CCR5AS: variants seen among roughly 807,000 people sequenced by gnomAD.
CCR5AS encodes the protein CCR5 antisense RNA.
rs369277674 is a variant in CCR5AS, at chr3:46,381,801, G to C, written n.392-10384C>G. Among the ~76,000 whole-genome samples, 29 of 152,298 alleles carry C rather than the reference G, an allele frequency of 1.9e-4. No individual in the cohort carries two copies. The East Asian group carries it at 3.7e-3, about 19-fold the overall frequency. On this transcript the variant is annotated intron_variant and non_coding_transcript_variant, in intron 2 of 3. Transcript: ENST00000451485. Reference sequence around the variant, plus strand: ...AAAAAGCAGAGCCCAGCAGAGAAGAGGGCAGGGACTTGAAAGTCAGACTGA... The same window carrying C: ...AAAAAGCAGAGCCCAGCAGAGAAGACGGCAGGGACTTGAAAGTCAGACTGA...
At chr3:46,373,661 T>C (rs367851873) in intron 2 of CCR5AS, 189 of 1,614,044 alleles carry the variant, frequency 1.2e-4, no homozygotes, top group Non-Finnish European at 1.5e-4. Context: ...CCTACAACAT[T>C]GTCCTTCTCC....
rs150450395 is a variant in CCR5AS at position 46,372,441 on chromosome 3, T to C, written n.392-1024A>G. On this transcript the variant is annotated intron_variant and non_coding_transcript_variant, in intron 2 of 3. Coordinates refer to ENST00000451485, the Ensembl canonical transcript of CCR5AS. ...CACTTGGAGGGGTGAGGTGAGAGGA[T>C]TGCTTGAGCCCGGGATGGTCCAGGC... Among the ~76,000 whole-genome samples, 224 of 152,038 alleles carry C rather than the reference T, an allele frequency of 1.5e-3. 1 individual carries two copies. Among genetic ancestry groups the C allele is most frequent in the African/African-American group, 4.9e-3 (203 of 41,466 alleles).
intron 2 of CCR5AS, among the ~76,000 whole-genome samples, chr3:46,390,507 T>C (rs759298077): frequency 5.3e-5 from 8 of 152,110 alleles, no homozygotes; most frequent in South Asian, 2.1e-4. Flanking sequence ...TGCTGTGGGA[T>C]GGGATATTGG....
intron 2 of CCR5AS, among the ~76,000 whole-genome samples, chr3:46,378,751 G>A (rs376478687): frequency 7.2e-5 from 11 of 152,180 alleles, no homozygotes; most frequent in African/African-American, 2.7e-4. Flanking sequence ...AAACCGAGAG[G>A]AGTCTCCATT....
chr3:46,396,989 C>T (rs748470729), intron 1 of CCR5AS, among the ~76,000 whole-genome samples: 1 of 152,238 alleles, frequency 6.6e-6, no homozygotes, highest in Non-Finnish European at 1.5e-5. Flanking sequence ...TTCTATCACT[C>T]TCTCTTTTCT....
intron 2 of CCR5AS, among the ~76,000 whole-genome samples, chr3:46,380,938 C>T (rs550147110): frequency 3.0e-4 from 46 of 151,972 alleles, no homozygotes; most frequent in South Asian, 2.5e-3. Context: ...CAAGACTTTG[C>T]CTGGCCTGGG....
chr3:46,366,311 C>T (rs1362884231), intron 3 of CCR5AS, among the ~76,000 whole-genome samples: 8 of 152,184 alleles, frequency 5.3e-5, no homozygotes, highest in African/African-American at 1.7e-4. Flanking sequence ...TACATAATCT[C>T]GTGTTATGTG....
chr3:46,364,011 A>G (rs1157028549), downstream of CCR5AS, among the ~76,000 whole-genome samples: 1 of 152,256 alleles, frequency 6.6e-6, no homozygotes, highest in Non-Finnish European at 1.5e-5. Flanking sequence ...ATGAAAGACA[A>G]CATCTCCATA....
chr3:46,395,845 G>A (rs968119450), intron 1 of CCR5AS, among the ~76,000 whole-genome samples: 1 of 152,168 alleles, frequency 6.6e-6, no homozygotes, highest in Non-Finnish European at 1.5e-5. Flanking sequence ...AGATAGGGAA[G>A]GGGCCCTTTC....
rs530078316 is a variant in CCR5AS at position 46,397,515 on chromosome 3, A to C, written n.164-4463T>G. Among the ~76,000 whole-genome samples the C allele has an allele frequency of 6.6e-5, 10 of 152,350 alleles. No homozygotes were observed. In the East Asian group the frequency reaches 1.9e-3, roughly 29 times the overall value. On this transcript the variant is annotated intron_variant and non_coding_transcript_variant, in intron 1 of 3. Transcript: ENST00000451485. ...TGCCTGGTGCCAGTGAGAGCAGGGC[A>C]CTATTCCCACTGCAAGGCCAGACAG...
chr3:46,402,278 T>A (rs916092), intron 1 of CCR5AS, among the ~76,000 whole-genome samples: 47,562 of 152,006 alleles, frequency 0.31, 9,348 homozygotes, highest in African/African-American at 0.56. Context: ...CAGCTACTAA[T>A]TATTGGGTAC....
At position 46,393,718 on chromosome 3, in the gene CCR5AS, A is replaced by G. The variant is rs531091561; in HGVS notation, n.164-666T>C. 8.1e-4 allele frequency among the ~76,000 whole-genome samples: 123 copies of G among 152,262 alleles called. 1 individual carries two copies. The highest frequency in any genetic ancestry group is 2.9e-3 in the African/African-American group (121 of 41,550). ...TAGGAGCCAGAGAGGTCAAGAGGCA[A>G]TTGCAACATAGAGTGACACGTGCTC... On this transcript the variant is annotated intron_variant and non_coding_transcript_variant, in intron 1 of 3. Transcript: ENST00000451485.
chr3:46,400,732 T>C (rs723577), intron 1 of CCR5AS, among the ~76,000 whole-genome samples: 8,239 of 152,126 alleles, frequency 0.054, 742 homozygotes, highest in African/African-American at 0.19. Context: ...CTGGGGTGAA[T>C]AGAAGCCCCT....
At chr3:46,386,070 C>A (rs1397947142) in intron 2 of CCR5AS, among the ~76,000 whole-genome samples, 2 of 152,098 alleles carry the variant, frequency 1.3e-5, no homozygotes, top group African/African-American at 4.8e-5. Flanking sequence ...CACCACCACA[C>A]CTGGCTAATA....
intron 2 of CCR5AS, chr3:46,373,612 T>C (rs1204843823): frequency 4.3e-6 from 7 of 1,613,990 alleles, no homozygotes; most frequent in Non-Finnish European, 5.9e-6. Context: ...GTGAGGCTTA[T>C]CTTCACCATC....
intron 3 of CCR5AS, among the ~76,000 whole-genome samples, chr3:46,369,564 G>A (rs1701634536): frequency 6.6e-6 from 1 of 152,146 alleles, no homozygotes; most frequent in Admixed American, 6.6e-5. Flanking sequence ...CTAGTTTGCT[G>A]AAACTAATCT....
intron 2 of CCR5AS, among the ~76,000 whole-genome samples, chr3:46,380,270 T>G (rs1701804304): frequency 6.6e-6 from 1 of 152,060 alleles, no homozygotes; most frequent in Non-Finnish European, 1.5e-5. Context: ...TATAGTTAGA[T>G]GAACTTGCCC....
chr3:46,387,878 A>AG (rs1701876525), intron 2 of CCR5AS, among the ~76,000 whole-genome samples: 1 of 152,114 alleles, frequency 6.6e-6, no homozygotes, highest in Non-Finnish European at 1.5e-5. Context: ...TTGCGGGTAC[A>AG]GGCGGGGGTC....
intron 2 of CCR5AS, among the ~76,000 whole-genome samples, chr3:46,376,636 T>C (rs1298920975): frequency 1.3e-5 from 2 of 152,216 alleles, no homozygotes; most frequent in African/African-American, 4.8e-5. Flanking sequence ...TGTAGGCACA[T>C]CATATGTGAG....
Sources: allele counts gnomAD v4.1 joint callset (sites outside exome capture counted in the v4.1 genomes callset), GRCh38; gene constraint gnomAD v4.1.1; transcripts MANE v1.5; gene names NCBI Gene and HGNC (gene_info 2026-07-23, HGNC 2026-07-21).